The following UBE2D2 variants were observed in gnomAD, a reference collection of about 807,000 sequenced individuals.
The protein encoded by UBE2D2 is ubiquitin conjugating enzyme E2 D2.
Under a neutral mutation model 24.2 loss-of-function variants are expected in UBE2D2, and 2 were observed. The observed-to-expected ratio is 0.08, with a 90% CI of 0.03 to 0.26. UBE2D2 has a LOEUF of 0.26. Ranked by LOEUF, UBE2D2 falls within the 10% of genes least tolerant of loss-of-function variation. The pLI, the probability that UBE2D2 is intolerant of heterozygous loss-of-function variation, is 1.00. For synonymous variants in UBE2D2, 58 were observed against 56.5 expected (o/e 1.03, Z -0.12); for missense variants, 44 against 177.6 (o/e 0.25, Z 4.28).
At chr5:139,565,113 C>T (rs536047963) in intron 1 of UBE2D2, among the ~76,000 whole-genome samples, 1 of 152,230 alleles carries the variant, frequency 6.6e-6, no homozygotes, top group South Asian at 2.1e-4. Flanking sequence ...ACTTAAATAC[C>T]TTCTTGACTT....
At position 139,628,362 on chromosome 5, in the gene UBE2D2, G is replaced by A. The variant is rs1448655732; in HGVS notation, c.*1561G>A. On this transcript the variant is annotated 3_prime_UTR_variant, in exon 7 of 7. Transcript: ENST00000398733. ...GCCATGGCTGATGCTCTAGCCATCA[G>A]GTTCTTTCAAATGCATCTTTACACT... is the stretch of plus-strand genomic sequence containing the variant. The A allele has an allele frequency of 1.3e-5, 2 of 152,606 alleles. No individual in the cohort carries two copies. The highest frequency in any genetic ancestry group is 3.8e-4 in the East Asian group (2 of 5,198). 9.5% of individuals were successfully genotyped at this position (152,606 alleles called of 1,614,324 possible). A position where few individuals can be genotyped will look rare whatever the true frequency, so the allele number is the denominator to read the frequency against.
intron 1 of UBE2D2, among the ~76,000 whole-genome samples, chr5:139,578,031 G>A (rs1042213078): frequency 1.3e-5 from 2 of 152,186 alleles, no homozygotes; most frequent in Admixed American, 1.3e-4. Context: ...TAGTGAGGGT[G>A]AAGTCTTTTG....
intron 6 of UBE2D2, among the ~76,000 whole-genome samples, chr5:139,625,268 G>GGACTGCTAGTACATGC (rs1754594206): frequency 9.1e-5 from 12 of 131,492 alleles, no homozygotes; most frequent in Non-Finnish European, 1.2e-4. Context: ...ACTACACCTG[G>GGACTGCTAGTACATGC]CTAATTTGTT....
chr5:139,582,886 G>C (rs1378619463), intron 1 of UBE2D2, among the ~76,000 whole-genome samples: 1 of 151,452 alleles, frequency 6.6e-6, no homozygotes, highest in Non-Finnish European at 1.5e-5. Context: ...TAGCCAGGAT[G>C]GTCTTGATCT....
chr5:139,562,389 T>A (rs1490052239), intron 1 of UBE2D2: 1 of 1,321,486 alleles, frequency 7.6e-7, no homozygotes, highest in Admixed American at 2.1e-5. Flanking sequence ...GAGTTGGAAG[T>A]TCAGAAGAAA....
chr5:139,550,551 G>A (rs894857329), intron 1 of UBE2D2, among the ~76,000 whole-genome samples: 3 of 152,112 alleles, frequency 2.0e-5, no homozygotes, highest in African/African-American at 4.8e-5. Flanking sequence ...ACTGGCTCAG[G>A]TTCTCTTCCA....
intron 1 of UBE2D2, among the ~76,000 whole-genome samples, chr5:139,567,224 C>G (rs942962133): frequency 6.6e-6 from 1 of 151,916 alleles, no homozygotes. Context: ...GTCAGCCTCC[C>G]GAGCAGCTGA....
At chr5:139,624,050 T>C (rs1257842594) in intron 6 of UBE2D2, among the ~76,000 whole-genome samples, 3 of 152,180 alleles carry the variant, frequency 2.0e-5, no homozygotes, top group Non-Finnish European at 2.9e-5. Flanking sequence ...GCTTTTGATA[T>C]ATAAAGCACT....
intron 2 of UBE2D2, among the ~76,000 whole-genome samples, chr5:139,611,175 C>CTTTTTTTTTTTTT (rs60626896): frequency 1.2e-4 from 7 of 58,754 alleles, no homozygotes; most frequent in African/African-American, 4.7e-4. Context: ...AGTTTTCCTT[C>CTTTTTTTTTTTTT]TTTTTTTTTT....
intron 1 of UBE2D2, among the ~76,000 whole-genome samples, chr5:139,547,533 T>C (rs1381607699): frequency 6.6e-6 from 1 of 150,392 alleles, no homozygotes. Flanking sequence ...GTTCTTGAGA[T>C]GGAGTCTTGC....
chr5:139,527,675 A>T (rs1417181278), intron 1 of UBE2D2, among the ~76,000 whole-genome samples: 1 of 152,232 alleles, frequency 6.6e-6, no homozygotes, highest in Non-Finnish European at 1.5e-5. Context: ...TTGTTTAAAG[A>T]AAAGAATGTT....
intron 1 of UBE2D2, among the ~76,000 whole-genome samples, chr5:139,568,034 A>G (rs951543812): frequency 4.6e-5 from 7 of 152,192 alleles, no homozygotes; most frequent in East Asian, 1.9e-4. Context: ...AACGCTGAAC[A>G]GTACTGTATT....
At chr5:139,550,657 C>T (rs934165469) in intron 1 of UBE2D2, among the ~76,000 whole-genome samples, 12 of 152,034 alleles carry the variant, frequency 7.9e-5, no homozygotes, top group South Asian at 2.1e-4. Context: ...CTGTAACACT[C>T]TTCGTGAAGC....
chr5:139,599,953 A>G (rs1299268626), intron 1 of UBE2D2, among the ~76,000 whole-genome samples: 1 of 151,854 alleles, frequency 6.6e-6, no homozygotes, highest in African/African-American at 2.4e-5. Context: ...ACAGGCATGT[A>G]TCACCATGCC....
chr5:139,587,070 G>C (rs961065574), intron 1 of UBE2D2, among the ~76,000 whole-genome samples: 12 of 152,154 alleles, frequency 7.9e-5, no homozygotes, highest in Admixed American at 6.6e-4. Context: ...ACCTGGGGTT[G>C]TTGGCCTCAT....
intron 2 of UBE2D2, among the ~76,000 whole-genome samples, chr5:139,614,258 C>T (rs1158689246): frequency 6.6e-6 from 1 of 151,990 alleles, no homozygotes; most frequent in African/African-American, 2.4e-5. Flanking sequence ...GAGAGTCTTG[C>T]AGTGGCGCAG....
intron 6 of UBE2D2, 170 bp downstream of exon 6, chr5:139,623,631 A>T (rs112754032): frequency 0.067 from 31,718 of 472,590 alleles, 1,398 homozygotes; most frequent in Non-Finnish European, 0.086. Flanking sequence ...TTATAAGTAG[A>T]TGATGCCAGT....
intron 1 of UBE2D2, among the ~76,000 whole-genome samples, chr5:139,563,078 C>G (rs1474842425): frequency 6.6e-6 from 1 of 152,158 alleles, no homozygotes; most frequent in African/African-American, 2.4e-5. Context: ...CCACTGCACA[C>G]GGCCTATACC....
At chr5:139,528,261 T>C (rs747071573) in intron 1 of UBE2D2, among the ~76,000 whole-genome samples, 4 of 152,184 alleles carry the variant, frequency 2.6e-5, no homozygotes, top group Non-Finnish European at 5.9e-5. Context: ...TACTGGGCAC[T>C]CTGCCAAATA....
Sources: gnomAD v4.1 joint callset for allele counts (sites outside exome capture counted in the v4.1 genomes callset) on GRCh38, gnomAD v4.1.1 for gene constraint, MANE v1.5 for transcripts, NCBI Gene and HGNC (gene_info 2026-07-23, HGNC 2026-07-21) for gene names.